Variants in OSBP2 observed in about 807,000 individuals in gnomAD.
OSBP2 encodes the protein oxysterol binding protein 2, also known as oxysterol-binding protein 2.
OSBP2 carries 66 observed loss-of-function variants against 96.0 expected under a neutral mutation model. That is an observed-to-expected ratio of 0.69 (90% CI 0.56 to 0.84). OSBP2 has a LOEUF of 0.84. Ranked by LOEUF, OSBP2 falls within the 40% of genes least tolerant of loss-of-function variation. The pLI is 0.00. For missense variants in OSBP2, 1,038 were observed against 1,222.7 expected, an observed-to-expected ratio of 0.85 and a Z score of 2.25; for synonymous variants, 525 against 520.9, an observed-to-expected ratio of 1.01 and a Z score of -0.11.
intron 3 of OSBP2, among the ~76,000 whole-genome samples, chr22:30,877,011 G>A (rs945554699): frequency 6.6e-6 from 1 of 152,122 alleles, no homozygotes; most frequent in Non-Finnish European, 1.5e-5. Flanking sequence ...CAGGCCTGCA[G>A]AGTCTCAGAG....
In OSBP2 at chr22:30,822,782, G is replaced by C. The variant is rs1602314742; in HGVS notation, c.854-47647G>C. The C allele has an allele frequency of 5.9e-6, 8 of 1,350,342 alleles. No individual in the cohort carries two copies. The East Asian group carries it at 1.6e-4, about 27-fold the overall frequency. The allele number at this position is 1,350,342 out of a possible 1,614,324, so 83.6% of individuals were successfully genotyped here. On this transcript the variant is annotated intron_variant, in intron 2 of 13. Coordinates refer to ENST00000332585, the MANE Select transcript of OSBP2 (RefSeq NM_030758.4). ...GCATGCACGCCCGGTGCCTGGCTTT[G>C]CTGCGTGATCGATCCACGGGAGCCT...
intron 2 of OSBP2, chr22:30,803,068 A>AG (rs1296326168): frequency 9.8e-6 from 2 of 203,944 alleles, no homozygotes; most frequent in Non-Finnish European, 1.9e-5. Context: ...AGATGGACTG[A>AG]GAGCGCGGCG....
chr22:30,893,726 C>A lies in OSBP2; in HGVS notation c.2183C>A (p.Ala728Asp). The change falls in exon 11 of 14, where the codon GCC (alanine) becomes GAC (aspartate). Residue 728 changes from alanine to aspartate, a missense_variant. Around this residue, in one of 3 missense-constraint regions of OSBP2, gnomAD observed 737 missense variants for 913.3 expected, o/e 0.81. Coordinates refer to ENST00000332585, the MANE Select transcript of OSBP2 (RefSeq NM_030758.4). ...LPYSYFSKEA[A>D]RKVTGVVSDS... ...TACAGCTACTTCTCCAAAGAGGCAG[C>A]CCGGAAGGTAAGCAGGACCAGCCAC... is the stretch of plus-strand genomic sequence containing the variant. The A allele has an allele frequency of 6.2e-7, 1 of 1,614,060 alleles. No homozygotes were observed. The highest frequency in any genetic ancestry group is 1.1e-5 in the South Asian group (1 of 91,080).
intron 2 of OSBP2, among the ~76,000 whole-genome samples, chr22:30,743,594 G>A (rs1179527703): frequency 1.3e-5 from 2 of 152,136 alleles, no homozygotes; most frequent in Non-Finnish European, 2.9e-5. Flanking sequence ...GTGGCTGCTG[G>A]CACAGCTGGG....
At chr22:30,878,606 T>G (rs2039634664) in intron 3 of OSBP2, among the ~76,000 whole-genome samples, 1 of 152,124 alleles carries the variant, frequency 6.6e-6, no homozygotes, top group Non-Finnish European at 1.5e-5. Flanking sequence ...CAGAGCTAGC[T>G]CGAGGTGCCC....
At chr22:30,736,475 C>T (rs1251791188) in intron 1 of OSBP2, among the ~76,000 whole-genome samples, 1 of 152,160 alleles carries the variant, frequency 6.6e-6, no homozygotes, top group Non-Finnish European at 1.5e-5. Flanking sequence ...GAATATCTCC[C>T]ATCCAATCCC....
At chr22:30,742,789 G>A (rs980974550) in intron 2 of OSBP2, among the ~76,000 whole-genome samples, 3 of 152,172 alleles carry the variant, frequency 2.0e-5, no homozygotes, top group African/African-American at 7.2e-5. Context: ...ATACTGTGCT[G>A]CCATGAGTAA....
chr22:30,718,710 G>A (rs73154630), intron 1 of OSBP2, among the ~76,000 whole-genome samples: 3,273 of 152,328 alleles, frequency 0.021, 47 homozygotes, highest in Non-Finnish European at 0.033. Context: ...TACAACTTCG[G>A]AGTTGCAGTG....
intron 12 of OSBP2, chr22:30,902,464 A>G: frequency 6.3e-7 from 1 of 1,584,650 alleles, no homozygotes; most frequent in Non-Finnish European, 8.6e-7. Flanking sequence ...AAAACAAGAT[A>G]AAGGTGGCTT....
Position 30,794,808 on chromosome 22 carries a change from T to C in OSBP2, c.853+53439T>C, listed in dbSNP as rs559142856. On this transcript the variant is annotated intron_variant, in intron 2 of 13. Coordinates refer to ENST00000332585, the MANE Select transcript of OSBP2 (RefSeq NM_030758.4). ...TGAGACCGTCTCAAAAAAAAAAAAT[T>C]CCCGTTACTTTTCGTATTATTGTTA... Among the ~76,000 whole-genome samples, 4 of 151,302 alleles carry C rather than the reference T, an allele frequency of 2.6e-5. No homozygotes were observed. The East Asian group carries it at 7.9e-4, about 30-fold the overall frequency.
chr22:30,712,755 G>A (rs1285403087), intron 1 of OSBP2, among the ~76,000 whole-genome samples: 1 of 152,034 alleles, frequency 6.6e-6, no homozygotes, highest in Non-Finnish European at 1.5e-5. Flanking sequence ...CCATATACAG[G>A]TTGTATCTTG....
At chr22:30,772,089 C>T (rs2090353761) in intron 2 of OSBP2, among the ~76,000 whole-genome samples, 1 of 152,202 alleles carries the variant, frequency 6.6e-6, no homozygotes, top group South Asian at 2.1e-4. Context: ...CAGAGACAAG[C>T]CCCTGCGGCA....
chr22:30,714,093 A>T (rs115734269), intron 1 of OSBP2, among the ~76,000 whole-genome samples: 3,514 of 152,106 alleles, frequency 0.023, 136 homozygotes, highest in African/African-American at 0.079. Context: ...TCTAATAACT[A>T]CTATGCTACT....
Position 30,741,247 on chromosome 22 carries a change from T to G in OSBP2, c.731T>G (p.Leu244Trp). The change falls in exon 2 of 14, where the codon TTG (leucine) becomes TGG (tryptophan). Residue 244 changes from leucine (L) to tryptophan (W), a missense_variant. By Grantham distance (61) the Leu-to-Trp change is moderately conservative (BLOSUM62 -2). Transcript: ENST00000332585. ...HIDTEDSCGI[L>W]LTSGARSYHL... ...GACACGGAGGACTCTTGTGGTATCTTGCTGACCAGTGGGGCCAGGAGCTAC... is the reference window on the plus strand; with the variant it reads ...GACACGGAGGACTCTTGTGGTATCTGGCTGACCAGTGGGGCCAGGAGCTAC... 6.2e-7 allele frequency: 1 copy of G among 1,614,130 alleles called. No individual in the cohort carries two copies. The highest frequency in any genetic ancestry group is 8.5e-7 in the Non-Finnish European group (1 of 1,180,032).
chr22:30,722,189 G>A lies in OSBP2; in HGVS notation c.645-18972G>A, dbSNP rs1455685156. Among the ~76,000 whole-genome samples, 3 of 152,300 alleles carry A rather than the reference G, an allele frequency of 2.0e-5. No homozygotes were observed. The East Asian group carries it at 5.8e-4, about 29-fold the overall frequency. ...CTGCCTGGCTCCCTGGGACTCAAGA[G>A]ATCCCCTTTGTCACCAAAGTCATTC... On this transcript the variant is annotated intron_variant, in intron 1 of 13. Transcript: ENST00000332585.
chr22:30,759,080 C>G (rs1421326879), intron 2 of OSBP2, among the ~76,000 whole-genome samples: 1 of 152,292 alleles, frequency 6.6e-6, no homozygotes, highest in South Asian at 2.1e-4. Flanking sequence ...CTGCAAAGGG[C>G]CGGGCGCAGT....
chr22:30,700,015 T>C (rs1174212383), intron 1 of OSBP2, among the ~76,000 whole-genome samples: 2 of 151,104 alleles, frequency 1.3e-5, no homozygotes, highest in Non-Finnish European at 2.9e-5. Context: ...CAGGCTGGAG[T>C]GCAGTGGCAC....
In OSBP2 at chr22:30,894,809, A is replaced by G. The variant is rs539799947; in HGVS notation, c.2375+808A>G. On this transcript the variant is annotated intron_variant, in intron 12 of 13. Transcript: ENST00000332585. Reference sequence around the variant, plus strand: ...CTTATCAACAGAAATGGGAGCTTGAAGACAGTCAAATGATATCTTCCGTGA... The same window carrying G: ...CTTATCAACAGAAATGGGAGCTTGAGGACAGTCAAATGATATCTTCCGTGA... Among the ~76,000 whole-genome samples, 23 of 152,342 alleles carry G rather than the reference A, an allele frequency of 1.5e-4. 1 individual carries two copies. The South Asian group carries it at 4.6e-3, about 30-fold the overall frequency.
intron 2 of OSBP2, among the ~76,000 whole-genome samples, chr22:30,773,422 AC>A (rs1207017729): frequency 2.6e-5 from 4 of 152,094 alleles, no homozygotes; most frequent in African/African-American, 9.7e-5. Flanking sequence ...AGAGTGCTAT[AC>A]AACTCCTTCA....
Sources: allele counts gnomAD v4.1 joint callset (sites outside exome capture counted in the v4.1 genomes callset), GRCh38; gene constraint gnomAD v4.1.1; regional missense constraint gnomAD v4.1.1; transcripts MANE v1.5; gene names NCBI Gene and HGNC (gene_info 2026-07-23, HGNC 2026-07-21).